Variants in RELN observed in about 807,000 individuals in gnomAD.
RELN encodes reelin.
RELN carries 108 observed loss-of-function variants against 427.6 expected under a neutral mutation model. That is an observed-to-expected ratio of 0.25 (90% CI 0.22 to 0.30). The LOEUF (loss-of-function observed/expected upper bound fraction) is 0.30, where lower values mean the gene tolerates loss of function less well. Among genes scored for constraint, RELN ranks in the 10% least tolerant of loss-of-function variants. The probability of loss-of-function intolerance (pLI) is 1.00; values close to 1 mark genes in which losing one functional copy is unlikely to be tolerated. For synonymous variants in RELN, 1,524 were observed against 1,513.4 expected (o/e 1.01, Z -0.16); for missense variants, 3,715 against 4,302.8 (o/e 0.86, Z 3.82).
chr7:103,787,659 C>T (rs553044293), intron 3 of RELN, among the ~76,000 whole-genome samples: 1 of 152,184 alleles, frequency 6.6e-6, no homozygotes, highest in Non-Finnish European at 1.5e-5. Flanking sequence ...CTGAATAAAA[C>T]AGTAACAAGT....
chr7:103,527,844 T>C (rs1323966355), intron 46 of RELN, among the ~76,000 whole-genome samples: 4 of 152,282 alleles, frequency 2.6e-5, no homozygotes, highest in African/African-American at 9.6e-5. Flanking sequence ...ATCATCAGCC[T>C]TTAGGGAAAT....
At chr7:103,756,787 T>C (rs1791169003) in intron 4 of RELN, among the ~76,000 whole-genome samples, 1 of 152,228 alleles carries the variant, frequency 6.6e-6, no homozygotes, top group African/African-American at 2.4e-5. Flanking sequence ...AAATGTCCAC[T>C]ATCTGAGATA....
intron 2 of RELN, among the ~76,000 whole-genome samples, chr7:103,857,868 GA>G (rs563744158): frequency 2.6e-5 from 4 of 152,062 alleles, no homozygotes; most frequent in East Asian, 1.9e-4. Context: ...GGAATTGGGG[GA>G]AAAAAGCCAC....
intron 2 of RELN, among the ~76,000 whole-genome samples, chr7:103,888,982 C>T (rs1048457314): frequency 6.6e-6 from 1 of 152,146 alleles, no homozygotes; most frequent in Non-Finnish European, 1.5e-5. Context: ...AATCACTGAC[C>T]CCAACTCATG....
intron 6 of RELN, among the ~76,000 whole-genome samples, chr7:103,733,042 G>A (rs544488983): frequency 6.6e-6 from 1 of 152,028 alleles, no homozygotes; most frequent in East Asian, 1.9e-4. Flanking sequence ...GGTTTTTATG[G>A]TTTTAGGTCT....
intron 2 of RELN, among the ~76,000 whole-genome samples, chr7:103,914,603 T>A (rs1795442989): frequency 2.6e-5 from 4 of 152,104 alleles, no homozygotes. Flanking sequence ...AATCACTTCC[T>A]CCTTTAATTA....
intron 1 of RELN, among the ~76,000 whole-genome samples, chr7:103,986,763 C>T (rs1797107033): frequency 6.6e-6 from 1 of 151,592 alleles, no homozygotes; most frequent in Non-Finnish European, 1.5e-5. Context: ...TTTAAAGATC[C>T]AGAAGGTTAG....
rs114668604 is a variant in RELN at position 103,713,767 on chromosome 7, C to A, written c.805+9373G>T. Among the ~76,000 whole-genome samples, 1,464 of 151,648 alleles carry A rather than the reference C, an allele frequency of 9.7e-3. 28 individuals are homozygous for A. Among genetic ancestry groups the A allele is most frequent in the African/African-American group, 0.034 (1,384 of 41,300 alleles). On this transcript the variant is annotated intron_variant, in intron 8 of 64. Transcript: ENST00000428762. Reference sequence around the variant, plus strand: ...CCAAAATTAAGAAACACAGTAAAATCTTCTTTGCTACTTTGCAATTCTTTT... The same window carrying A: ...CCAAAATTAAGAAACACAGTAAAATATTCTTTGCTACTTTGCAATTCTTTT...
chr7:103,696,711 A>G (rs564733385), intron 10 of RELN, among the ~76,000 whole-genome samples: 2 of 152,236 alleles, frequency 1.3e-5, no homozygotes, highest in Admixed American at 6.5e-5. Context: ...TCTGGCCAAT[A>G]TGATCTCCCA....
rs772404484 is a variant in RELN, at chr7:103,500,886, G to A, written c.8526C>T (p.Asp2842=). ...VRFRFYQKYS[D]MQWAIDNFYL... ...AGAAATTATCGATTGCCCACTGCATGTCTGAGTACTTCTGATAGAACCTAA... is the reference window on the plus strand; with the variant it reads ...AGAAATTATCGATTGCCCACTGCATATCTGAGTACTTCTGATAGAACCTAA... Residue 2842 remains aspartate, a synonymous_variant, in exon 53 of 65, where the codon GAC becomes GAT. Coordinates refer to ENST00000428762, the MANE Select transcript of RELN (RefSeq NM_005045.4). 2.5e-6 allele frequency: 4 copies of A among 1,614,118 alleles called. No homozygotes were observed.
intron 3 of RELN, among the ~76,000 whole-genome samples, chr7:103,780,477 G>A (rs1274431868): frequency 1.3e-5 from 2 of 152,100 alleles, no homozygotes; most frequent in African/African-American, 4.8e-5. Flanking sequence ...GGGGTTTGTT[G>A]TACAGATTAC....
chr7:103,503,275 A>T, intron 51 of RELN, 45 bp from the exon 52 acceptor site: 1 of 1,564,404 alleles, frequency 6.4e-7, no homozygotes, highest in Non-Finnish European at 8.8e-7. Context: ...ACTATATGAT[A>T]TGATTCTTCT....
chr7:103,509,261 G>A (rs1025381411), intron 51 of RELN, among the ~76,000 whole-genome samples: 1 of 152,082 alleles, frequency 6.6e-6, no homozygotes, highest in East Asian at 1.9e-4. Context: ...TATACTATAA[G>A]GCAACAGTAA....
At chr7:103,922,713 A>T (rs1795643197) in intron 1 of RELN, among the ~76,000 whole-genome samples, 1 of 152,192 alleles carries the variant, frequency 6.6e-6, no homozygotes, top group Non-Finnish European at 1.5e-5. Flanking sequence ...CCCTAATACC[A>T]TTCTTGCAGA....
chr7:103,601,515 C>T (rs1014329321), intron 24 of RELN, among the ~76,000 whole-genome samples: 2 of 152,012 alleles, frequency 1.3e-5, no homozygotes, highest in African/African-American at 2.4e-5. Flanking sequence ...TGTAGCATAT[C>T]ACTCACACCT....
chr7:103,788,249 A>C (rs1584493225), intron 3 of RELN, among the ~76,000 whole-genome samples: 1 of 152,260 alleles, frequency 6.6e-6, no homozygotes, highest in East Asian at 1.9e-4. Flanking sequence ...ATGGGCAAAA[A>C]CTGGAAGCAT....
At position 103,712,538 on chromosome 7, in the gene RELN, C is replaced by T. The variant is rs866031451; in HGVS notation, c.805+10602G>A. On this transcript the variant is annotated intron_variant, in intron 8 of 64. Transcript: ENST00000428762. Reference sequence around the variant, plus strand: ...TAGATTTCCAAAAGGTAATATGGTGCATATGCCATGCCTAGAGCAGCACTC... The same window carrying T: ...TAGATTTCCAAAAGGTAATATGGTGTATATGCCATGCCTAGAGCAGCACTC... Among the ~76,000 whole-genome samples, 3 of 152,166 alleles carry T rather than the reference C, an allele frequency of 2.0e-5. No homozygotes were observed. The South Asian group carries it at 6.2e-4, about 32-fold the overall frequency.
intron 3 of RELN, among the ~76,000 whole-genome samples, chr7:103,809,436 A>G (rs1204390533): frequency 6.6e-6 from 1 of 151,148 alleles, no homozygotes; most frequent in East Asian, 2.0e-4. Flanking sequence ...CACCTGTGCT[A>G]CAGGCCTCGC....
chr7:103,885,536 AATGAGAACAC>A (rs1266992067), intron 2 of RELN, among the ~76,000 whole-genome samples: 1 of 152,176 alleles, frequency 6.6e-6, no homozygotes, highest in Non-Finnish European at 1.5e-5. Flanking sequence ...GGAGTGGAAC[AATGAGAACAC>A]ATGGACACAA....
Sources: gnomAD v4.1 joint callset for allele counts (sites outside exome capture counted in the v4.1 genomes callset) on GRCh38, gnomAD v4.1.1 for gene constraint, MANE v1.5 for transcripts, NCBI Gene and HGNC (gene_info 2026-07-23, HGNC 2026-07-21) for gene names.